EBF1: variants seen among roughly 807,000 people sequenced by gnomAD.
EBF1 encodes the protein EBF transcription factor 1.
Under a neutral mutation model 68.4 loss-of-function variants are expected in EBF1, and 10 were observed. That is an observed-to-expected ratio of 0.15 (90% confidence interval 0.09 to 0.25). The LOEUF is 0.25. EBF1 is among the 10% of genes least tolerant of loss of function. The probability of loss-of-function intolerance (pLI) is 1.00; values close to 1 mark genes in which losing one functional copy is unlikely to be tolerated. For missense variants in EBF1, 509 were observed against 794.4 expected (o/e 0.64, Z 4.32); for synonymous variants, 298 against 299.8 (o/e 0.99, Z 0.06).
intron 8 of EBF1, among the ~76,000 whole-genome samples, chr5:158,813,261 A>G (rs963932163): frequency 2.0e-5 from 3 of 152,226 alleles, no homozygotes; most frequent in Admixed American, 6.5e-5. Flanking sequence ...ACGCATTAAC[A>G]TAAACACACA....
intron 1 of EBF1, among the ~76,000 whole-genome samples, chr5:159,097,850 C>T (rs957447620): frequency 6.6e-6 from 1 of 152,204 alleles, no homozygotes; most frequent in Non-Finnish European, 1.5e-5. Flanking sequence ...CTCAGTGCGC[C>T]GGCCGGCGAT....
chr5:158,777,480 C>T lies in EBF1; in HGVS notation c.969G>A (p.Val323=). ...TAGATTTGTAGGACAGTGTGACTTC[C>T]ACAACACCAGGGATGTGCCGAGGAG... ...QTPPRHIPGV[V]EVTLSYKSKQ... The change falls in exon 10 of 16, where the codon GTG becomes GTA. Residue 323 remains valine (V), a synonymous_variant. Transcript: ENST00000313708. 1.2e-6 allele frequency: 2 copies of T among 1,612,798 alleles called. No individual in the cohort carries two copies. Among genetic ancestry groups the T allele is most frequent in the South Asian group, 2.2e-5 (2 of 90,914 alleles).
rs1405425152 is a variant in EBF1, at chr5:159,067,114, G to A, written c.554+6282C>T. The stretch of plus-strand genomic sequence containing the variant: ...GCAGGAGAGGGAAATGAGGAAATGA[G>A]GGGAATTTATCAATGGAGAGTTACA... On this transcript the variant is annotated intron_variant, in intron 6 of 15. Coordinates refer to ENST00000313708, the MANE Select transcript of EBF1 (RefSeq NM_024007.5). Among the ~76,000 whole-genome samples, 4 of 152,104 alleles carry A rather than the reference G, an allele frequency of 2.6e-5. No individual in the cohort carries two copies. The East Asian group carries it at 7.7e-4, about 29-fold the overall frequency.
chr5:159,033,633 T>A (rs1364028067), intron 6 of EBF1, among the ~76,000 whole-genome samples: 1 of 152,226 alleles, frequency 6.6e-6, no homozygotes, highest in Non-Finnish European at 1.5e-5. Flanking sequence ...GTGCCTGGGA[T>A]GCATAGCACA....
At chr5:158,826,932 G>A (rs1201111424) in intron 7 of EBF1, among the ~76,000 whole-genome samples, 2 of 152,124 alleles carry the variant, frequency 1.3e-5, no homozygotes, top group Non-Finnish European at 2.9e-5. Flanking sequence ...GAAAGAACTA[G>A]ACACAAAATT....
intron 6 of EBF1, among the ~76,000 whole-genome samples, chr5:158,890,161 G>A (rs1470695185): frequency 2.0e-5 from 3 of 152,120 alleles, no homozygotes; most frequent in Admixed American, 2.0e-4. Flanking sequence ...ATATATGCTA[G>A]ATATAAAAAA....
intron 6 of EBF1, among the ~76,000 whole-genome samples, chr5:159,040,072 C>A (rs952919797): frequency 6.6e-6 from 1 of 152,114 alleles, no homozygotes; most frequent in African/African-American, 2.4e-5. Context: ...CACAAAAGGA[C>A]GTAGATCCAT....
chr5:159,044,467 T>TCCTA, intron 6 of EBF1, among the ~76,000 whole-genome samples: 1 of 152,140 alleles, frequency 6.6e-6, no homozygotes, highest in East Asian at 1.9e-4. Context: ...CACAAGAGAA[T>TCCTA]CCTAGCTGGT....
intron 6 of EBF1, among the ~76,000 whole-genome samples, chr5:158,954,707 A>T (rs1816707688): frequency 6.6e-6 from 1 of 152,212 alleles, no homozygotes; most frequent in Non-Finnish European, 1.5e-5. Context: ...CTCAGATGCC[A>T]GCCTCACTCT....
intron 6 of EBF1, among the ~76,000 whole-genome samples, chr5:158,852,048 GA>G (rs1182735185): frequency 1.5e-5 from 1 of 66,990 alleles, no homozygotes; most frequent in Non-Finnish European, 3.0e-5. Context: ...GGGAGGGGAG[GA>G]GAGGGGAGGA....
At chr5:158,863,483 C>T (rs1795318704) in intron 6 of EBF1, among the ~76,000 whole-genome samples, 1 of 152,178 alleles carries the variant, frequency 6.6e-6, no homozygotes, top group South Asian at 2.1e-4. Flanking sequence ...TGAGATAGAG[C>T]TTATAAATAT....
In EBF1 at chr5:158,697,504, G is replaced by A. The variant is rs982772689; in HGVS notation, c.*1607C>T. ...CAAACATACACAATAAAATAAATTG[G>A]GGGTGGAAGGAAGAGGAAGAAGGGA... On this transcript the variant is annotated 3_prime_UTR_variant, in exon 16 of 16. Transcript: ENST00000313708. 1 of 209,406 alleles carries A rather than the reference G, an allele frequency of 4.8e-6. No homozygotes were observed. The highest frequency in any genetic ancestry group is 2.3e-5 in the African/African-American group (1 of 43,922). The allele number at this position is 209,406 out of a possible 1,614,324, so 13.0% of individuals were successfully genotyped here.
intron 6 of EBF1, among the ~76,000 whole-genome samples, chr5:158,991,252 T>G (rs948276365): frequency 6.6e-6 from 1 of 152,202 alleles, no homozygotes; most frequent in African/African-American, 2.4e-5. Flanking sequence ...GAGGCTATCA[T>G]TCATTGTTAT....
intron 7 of EBF1, among the ~76,000 whole-genome samples, chr5:158,837,695 A>G (rs936436848): frequency 1.3e-5 from 2 of 152,312 alleles, no homozygotes; most frequent in South Asian, 4.1e-4. Context: ...CAACCTTTTC[A>G]GACATTTTAC....
chr5:158,931,407 T>C (rs1467122635), intron 6 of EBF1, among the ~76,000 whole-genome samples: 1 of 152,212 alleles, frequency 6.6e-6, no homozygotes. Flanking sequence ...ATGGTATTCA[T>C]GTTTTGGGCT....
intron 6 of EBF1, among the ~76,000 whole-genome samples, chr5:158,915,376 AC>A (rs1806928878): frequency 6.6e-6 from 1 of 152,262 alleles, no homozygotes; most frequent in Admixed American, 6.5e-5. Flanking sequence ...ACAAAAGGAA[AC>A]AATAGTCAGA....
chr5:159,089,889 G>A (rs999328209), intron 4 of EBF1, among the ~76,000 whole-genome samples: 9 of 151,842 alleles, frequency 5.9e-5, no homozygotes, highest in African/African-American at 2.2e-4. Context: ...AAAAAGAGAG[G>A]AAGGTAGGAA....
rs150999921 is a variant in EBF1, at chr5:158,790,071, C to T, written c.909+6274G>A. Among the ~76,000 whole-genome samples, 804 of 152,206 alleles carry T rather than the reference C, an allele frequency of 5.3e-3. 10 individuals are homozygous for T. Among genetic ancestry groups the T allele is most frequent in the African/African-American group, 0.018 (767 of 41,516 alleles). On this transcript the variant is annotated intron_variant, in intron 9 of 15. Transcript: ENST00000313708. ...AGAGGTTTCTTTTGACTTCATGCCC[C>T]GTGTCTGGGAATGTAGCTGAAGAAA... is the stretch of plus-strand genomic sequence containing the variant.
chr5:158,961,860 T>C (rs1323043990), intron 6 of EBF1, among the ~76,000 whole-genome samples: 1 of 152,194 alleles, frequency 6.6e-6, no homozygotes, highest in African/African-American at 2.4e-5. Context: ...AGAGAGCGAA[T>C]TTTTTTAGGA....
Sources: allele counts gnomAD v4.1 joint callset (sites outside exome capture counted in the v4.1 genomes callset), GRCh38; gene constraint gnomAD v4.1.1; transcripts MANE v1.5; gene names NCBI Gene and HGNC (gene_info 2026-07-23, HGNC 2026-07-21).